C8orf89: variants seen among roughly 807,000 people sequenced by gnomAD.
The protein encoded by C8orf89 is putative uncharacterized protein C8orf89.
A neutral mutation model predicts 15.8 loss-of-function variants in C8orf89; 14 were observed. The observed-to-expected ratio is 0.89, with a 90% CI of 0.59 to 1.39. C8orf89 has a LOEUF of 1.39. Among genes scored for constraint, C8orf89 ranks in the 40% most tolerant of loss-of-function variants. The probability of loss-of-function intolerance (pLI) is 0.00; values close to 1 mark genes in which losing one functional copy is unlikely to be tolerated. For synonymous variants in C8orf89, 55 were observed against 62.2 expected, an observed-to-expected ratio of 0.88 and a Z score of 0.54; for missense variants, 181 against 184.5, an observed-to-expected ratio of 0.98 and a Z score of 0.11.
intron 2 of C8orf89, among the ~76,000 whole-genome samples, chr8:73,252,667 G>A (rs1453515189): frequency 1.3e-5 from 2 of 152,050 alleles, no homozygotes; most frequent in African/African-American, 4.8e-5. Context: ...AATTGTATTA[G>A]CTGGAAAACT....
At chr8:73,243,565 T>C (rs1346779577) in intron 3 of C8orf89, among the ~76,000 whole-genome samples, 1 of 152,236 alleles carries the variant, frequency 6.6e-6, no homozygotes, top group Admixed American at 6.5e-5. Context: ...AATCTTGCTC[T>C]GTCACCCAGG....
At chr8:73,285,035 A>AAC in the C8orf89 span, among the ~76,000 whole-genome samples, 2 of 152,352 alleles carry the variant, frequency 1.3e-5, no homozygotes, top group African/African-American at 2.4e-5. Flanking sequence ...TGAGAAAAGT[A>AAC]ACACACACAC....
upstream of C8orf89, among the ~76,000 whole-genome samples, chr8:73,260,471 C>T (rs944535075): frequency 6.6e-6 from 1 of 152,014 alleles, no homozygotes; most frequent in African/African-American, 2.4e-5. Context: ...ACCAGCATGG[C>T]ACATGTATAC....
At chr8:73,280,732 C>CAT in the C8orf89 span, among the ~76,000 whole-genome samples, 17 of 150,000 alleles carry the variant, frequency 1.1e-4, no homozygotes, top group East Asian at 1.2e-3. Flanking sequence ...TATATATACA[C>CAT]ATATATATAT....
chr8:73,268,864 G>A, the C8orf89 span, among the ~76,000 whole-genome samples: 3 of 152,100 alleles, frequency 2.0e-5, no homozygotes, highest in African/African-American at 7.2e-5. Flanking sequence ...TTCTACTTTG[G>A]GATGTTCTGA....
intron 2 of C8orf89, among the ~76,000 whole-genome samples, chr8:73,252,150 T>C (rs1006267520): frequency 1.3e-5 from 2 of 152,242 alleles, no homozygotes; most frequent in African/African-American, 4.8e-5. Context: ...TTTTTATAGC[T>C]TGAAAATCTT....
chr8:73,285,507 G>A, the C8orf89 span, among the ~76,000 whole-genome samples: 1 of 152,178 alleles, frequency 6.6e-6, no homozygotes, highest in African/African-American at 2.4e-5. Context: ...GGGACTAGAT[G>A]ACCTCTGGAC....
chr8:73,250,812 A>AT (rs1480062026), intron 2 of C8orf89, among the ~76,000 whole-genome samples: 4 of 151,296 alleles, frequency 2.6e-5, no homozygotes, highest in Admixed American at 6.6e-5. Flanking sequence ...TTGTAACAAT[A>AT]TTTTTTTTTG....
chr8:73,275,338 G>T, the C8orf89 span, among the ~76,000 whole-genome samples: 1 of 144,222 alleles, frequency 6.9e-6, no homozygotes, highest in East Asian at 2.1e-4. Context: ...CCAGGTTCAA[G>T]CAACTCTCCT....
the C8orf89 span, among the ~76,000 whole-genome samples, chr8:73,283,684 A>G: frequency 6.6e-6 from 1 of 152,222 alleles, no homozygotes; most frequent in Non-Finnish European, 1.5e-5. Flanking sequence ...TAATGTGCCT[A>G]CATCTGACTT....
chr8:73,276,805 A>ATTTTTTTTT, the C8orf89 span, among the ~76,000 whole-genome samples: 62 of 87,626 alleles, frequency 7.1e-4, 4 homozygotes, highest in African/African-American at 8.8e-4. Context: ...CACAGCAGTC[A>ATTTTTTTTT]TTTTTTTTTT....
upstream of C8orf89, among the ~76,000 whole-genome samples, chr8:73,264,188 C>T (rs1813579619): frequency 6.6e-6 from 1 of 152,016 alleles, no homozygotes; most frequent in African/African-American, 2.4e-5. Context: ...ATGCAAAAAA[C>T]ATGGTACTAA....
chr8:73,250,638 C>T (rs995380242), intron 2 of C8orf89, among the ~76,000 whole-genome samples: 1 of 152,142 alleles, frequency 6.6e-6, no homozygotes, highest in African/African-American at 2.4e-5. Context: ...TACCAACTAT[C>T]ACTTTTTTTG....
chr8:73,242,038 C>T (rs1813018512), intron 3 of C8orf89, among the ~76,000 whole-genome samples: 1 of 151,962 alleles, frequency 6.6e-6, no homozygotes, highest in Non-Finnish European at 1.5e-5. Context: ...ACTATGAATA[C>T]TAAAAGAAAG....
the C8orf89 span, among the ~76,000 whole-genome samples, chr8:73,285,717 C>A: frequency 6.6e-6 from 1 of 152,198 alleles, no homozygotes; most frequent in East Asian, 1.9e-4. Context: ...GCGGGCACAG[C>A]GGGCAGTGTG....
At chr8:73,258,595 C>T (rs1447602489) in intron 1 of C8orf89, among the ~76,000 whole-genome samples, 1 of 151,052 alleles carries the variant, frequency 6.6e-6, no homozygotes, top group Non-Finnish European at 1.5e-5. Context: ...ATACTCTCCA[C>T]ATAACTCAGT....
the C8orf89 span, among the ~76,000 whole-genome samples, chr8:73,271,454 C>T: frequency 6.6e-6 from 1 of 152,066 alleles, no homozygotes; most frequent in Non-Finnish European, 1.5e-5. Flanking sequence ...AGCCAGGATG[C>T]CCCTTGGGTT....
At chr8:73,256,726 CAAAAAAAAA>C (rs11288188) in intron 2 of C8orf89, among the ~76,000 whole-genome samples, 1 of 43,702 alleles carries the variant, frequency 2.3e-5, no homozygotes, top group Admixed American at 3.1e-4. Flanking sequence ...GACTCTGTCT[CAAAAAAAAA>C]AAAAAAAAAA....
At chr8:73,275,344 C>G in the C8orf89 span, among the ~76,000 whole-genome samples, 1 of 150,434 alleles carries the variant, frequency 6.6e-6, no homozygotes, top group Admixed American at 6.7e-5. Context: ...TCAAGCAACT[C>G]TCCTGTCTCA....
Sources: gnomAD v4.1 joint callset for allele counts (sites outside exome capture counted in the v4.1 genomes callset) on GRCh38, gnomAD v4.1.1 for gene constraint, MANE v1.5 for transcripts, NCBI Gene and HGNC (gene_info 2026-07-23, HGNC 2026-07-21) for gene names.